Variants in NRG3 observed in about 807,000 individuals in gnomAD.
NRG3 encodes pro-neuregulin-3, membrane-bound isoform.
In NRG3, 31 loss-of-function variants were observed where a neutral mutation model predicts 66.9. The ratio of observed to expected loss-of-function variants is 0.46; its 90% CI spans 0.35 to 0.63. The LOEUF is 0.63. Ranked by LOEUF, NRG3 falls within the 20% of genes least tolerant of loss-of-function variation. The pLI, the probability that NRG3 is intolerant of heterozygous loss-of-function variation, is 0.00. For synonymous variants in NRG3, 393 were observed against 359.4 expected (o/e 1.09, Z -1.06); for missense variants, 910 against 878.9 (o/e 1.04, Z -0.45).
At chr10:82,425,805 T>C (rs1392802022) in intron 2 of NRG3, among the ~76,000 whole-genome samples, 1 of 152,180 alleles carries the variant, frequency 6.6e-6, no homozygotes, top group Non-Finnish European at 1.5e-5. Context: ...TCTTGCCTGT[T>C]GTCTTTGGGT....
chr10:82,166,716 C>A (rs182261967), intron 1 of NRG3: 31 of 603,810 alleles, frequency 5.1e-5, no homozygotes, highest in African/African-American at 5.1e-4. Context: ...GCTCTTCATT[C>A]TTTTGTTTAG....
At chr10:82,813,783 A>G (rs2061593644) in intron 3 of NRG3, among the ~76,000 whole-genome samples, 1 of 152,218 alleles carries the variant, frequency 6.6e-6, no homozygotes, top group African/African-American at 2.4e-5. Flanking sequence ...AAAATCATTG[A>G]CAAATCAAAT....
chr10:81,975,887 G>A (rs1009100744), intron 1 of NRG3, among the ~76,000 whole-genome samples: 1 of 152,140 alleles, frequency 6.6e-6, no homozygotes, highest in African/African-American at 2.4e-5. Flanking sequence ...AACAGATGGT[G>A]AAATTCAGAG....
At chr10:81,984,287 A>G (rs950299564) in intron 1 of NRG3, among the ~76,000 whole-genome samples, 4 of 152,230 alleles carry the variant, frequency 2.6e-5, no homozygotes, top group Non-Finnish European at 5.9e-5. Context: ...AATCACATTA[A>G]TAATCACCAG....
At chr10:81,920,506 A>AAAT (rs1846156182) in intron 1 of NRG3, among the ~76,000 whole-genome samples, 1 of 152,198 alleles carries the variant, frequency 6.6e-6, no homozygotes, top group Non-Finnish European at 1.5e-5. Flanking sequence ...TCTAAAAAAA[A>AAAT]AATGATACTT....
chr10:82,637,948 A>G (rs1318235088), intron 2 of NRG3, among the ~76,000 whole-genome samples: 4 of 152,190 alleles, frequency 2.6e-5, no homozygotes, highest in African/African-American at 9.7e-5. Flanking sequence ...TTTGTGAGAA[A>G]TACACACTAG....
intron 1 of NRG3, among the ~76,000 whole-genome samples, chr10:81,950,347 C>T (rs1233459904): frequency 1.3e-5 from 2 of 152,118 alleles, no homozygotes; most frequent in Non-Finnish European, 2.9e-5. Flanking sequence ...TGCTGTGTGC[C>T]AGAGCATCCT....
At chr10:82,888,475 T>C (rs1365665358) in intron 4 of NRG3, among the ~76,000 whole-genome samples, 1 of 152,160 alleles carries the variant, frequency 6.6e-6, no homozygotes, top group Admixed American at 6.5e-5. Flanking sequence ...CCAGACCTTC[T>C]CATCACAAAA....
intron 1 of NRG3, among the ~76,000 whole-genome samples, chr10:82,115,873 C>G (rs2067679304): frequency 6.6e-6 from 1 of 152,072 alleles, no homozygotes; most frequent in Non-Finnish European, 1.5e-5. Flanking sequence ...GGATGTTCTG[C>G]CTCATACAGA....
At chr10:82,355,249 G>T (rs752305363) in intron 1 of NRG3, among the ~76,000 whole-genome samples, 9 of 152,166 alleles carry the variant, frequency 5.9e-5, no homozygotes, top group South Asian at 4.1e-4. Context: ...TCTTATCCAT[G>T]TTCTCATTCT....
At chr10:82,033,151 A>G (rs562838411) in intron 1 of NRG3, among the ~76,000 whole-genome samples, 2 of 152,280 alleles carry the variant, frequency 1.3e-5, no homozygotes, top group East Asian at 1.9e-4. Context: ...AAGGAAGCCA[A>G]TTGAAATCCT....
At chr10:82,809,206 A>G (rs2061401351) in intron 3 of NRG3, among the ~76,000 whole-genome samples, 1 of 152,156 alleles carries the variant, frequency 6.6e-6, no homozygotes, top group Admixed American at 6.6e-5. Context: ...TGATTGTGCT[A>G]GTGACTGTGT....
intron 4 of NRG3, among the ~76,000 whole-genome samples, chr10:82,911,458 A>T (rs1283004222): frequency 6.6e-6 from 1 of 151,988 alleles, no homozygotes; most frequent in African/African-American, 2.4e-5. Context: ...CAGATTATCT[A>T]CTTCTGGTTT....
chr10:82,914,492 G>A (rs1845643531), intron 4 of NRG3, among the ~76,000 whole-genome samples: 2 of 152,066 alleles, frequency 1.3e-5, no homozygotes, highest in Non-Finnish European at 2.9e-5. Context: ...GTAGTTACAG[G>A]TGTCAGAGGC....
intron 2 of NRG3, among the ~76,000 whole-genome samples, chr10:82,398,007 C>G (rs2086825038): frequency 6.6e-6 from 1 of 152,148 alleles, no homozygotes; most frequent in South Asian, 2.1e-4. Context: ...GAGAGTAGCC[C>G]AGTTCTGACC....
At chr10:81,927,612 T>C (rs1314656630) in intron 1 of NRG3, among the ~76,000 whole-genome samples, 1 of 152,182 alleles carries the variant, frequency 6.6e-6, no homozygotes, top group Non-Finnish European at 1.5e-5. Context: ...TGTCTTCGAT[T>C]TACAAAAAAA....
intron 4 of NRG3, among the ~76,000 whole-genome samples, chr10:82,874,389 G>T (rs1297512267): frequency 6.6e-6 from 1 of 150,474 alleles, no homozygotes; most frequent in Non-Finnish European, 1.5e-5. Context: ...AGATAGAACT[G>T]AGGATTCTTT....
chr10:82,781,677 C>T (rs1381835844), intron 3 of NRG3, among the ~76,000 whole-genome samples: 1 of 152,046 alleles, frequency 6.6e-6, no homozygotes, highest in East Asian at 1.9e-4. Context: ...CCTTACACAC[C>T]AAGCAAGAAG....
intron 4 of NRG3, among the ~76,000 whole-genome samples, chr10:82,944,269 A>G (rs1313119784): frequency 5.9e-5 from 9 of 152,208 alleles, no homozygotes; most frequent in Non-Finnish European, 1.0e-4. Flanking sequence ...TACTGCATAA[A>G]TGTTATGTGG....
Sources: gnomAD v4.1 joint callset for allele counts (sites outside exome capture counted in the v4.1 genomes callset) on GRCh38, gnomAD v4.1.1 for gene constraint, MANE v1.5 for transcripts, NCBI Gene and HGNC (gene_info 2026-07-23, HGNC 2026-07-21) for gene names.